Variants in MAP1B observed in about 807,000 individuals in gnomAD.
MAP1B encodes the protein microtubule associated protein 1B, also known as microtubule-associated protein 1B.
MAP1B carries 12 observed loss-of-function variants against 176.1 expected under a neutral mutation model. The ratio of observed to expected loss-of-function variants is 0.07; its 90% CI spans 0.04 to 0.11. MAP1B has a LOEUF of 0.11. Among genes scored for constraint, MAP1B ranks in the 10% least tolerant of loss-of-function variants. The probability of loss-of-function intolerance (pLI) is 1.00; values close to 1 mark genes in which losing one functional copy is unlikely to be tolerated. For synonymous variants in MAP1B, 1,044 were observed against 1,135.0 expected, an observed-to-expected ratio of 0.92 and a Z score of 1.61; for missense variants, 2,523 against 2,990.5, an observed-to-expected ratio of 0.84 and a Z score of 3.65.
chr5:72,177,667 G>C (rs1746677518), intron 2 of MAP1B, among the ~76,000 whole-genome samples: 1 of 152,186 alleles, frequency 6.6e-6, no homozygotes, highest in Non-Finnish European at 1.5e-5. Context: ...GCAGAAAGGA[G>C]GCCTGGAGCT....
At chr5:72,119,814 C>T (rs1035609250) in intron 2 of MAP1B, among the ~76,000 whole-genome samples, 2 of 152,146 alleles carry the variant, frequency 1.3e-5, no homozygotes, top group Admixed American at 6.5e-5. Flanking sequence ...GCCAGAACAA[C>T]AGTCTTATAT....
rs1014278394 is a variant in MAP1B at position 72,208,030 on chromosome 5, G to A, written c.*2791G>A. 7.2e-6 allele frequency: 1 copy of A among 139,610 alleles called. No individual in the cohort carries two copies. Among genetic ancestry groups the A allele is most frequent in the African/African-American group, 2.8e-5 (1 of 36,304 alleles). The allele number at this position is 139,610 out of a possible 1,614,324, so 8.6% of individuals were successfully genotyped here. A position where few individuals can be genotyped will look rare whatever the true frequency, so the allele number is the denominator to read the frequency against. Reference sequence around the variant, plus strand: ...AATATGTAAAAACTGTCACTAGTCAGCTGGCTCTTTTTCCTATGAAATCTA... The same window carrying A: ...AATATGTAAAAACTGTCACTAGTCAACTGGCTCTTTTTCCTATGAAATCTA... On this transcript the variant is annotated 3_prime_UTR_variant, in exon 7 of 7. Coordinates refer to ENST00000296755, the MANE Select transcript of MAP1B (RefSeq NM_005909.5).
At chr5:72,145,396 G>A (rs1404408915) in intron 2 of MAP1B, among the ~76,000 whole-genome samples, 4 of 151,678 alleles carry the variant, frequency 2.6e-5, no homozygotes, top group Admixed American at 6.6e-5. Context: ...AGAGGGAACC[G>A]TGTTTCCATT....
chr5:72,173,023 C>T (rs1478569314), intron 2 of MAP1B, among the ~76,000 whole-genome samples: 2 of 152,202 alleles, frequency 1.3e-5, no homozygotes, highest in African/African-American at 4.8e-5. Flanking sequence ...GTCTCCATCC[C>T]AGTTCCGCTA....
Position 72,115,692 on chromosome 5 carries a change from C to T in MAP1B, c.185-6C>T, listed in dbSNP as rs1225303239. The T allele has an allele frequency of 6.4e-7, 1 of 1,559,090 alleles. No homozygotes were observed. The highest frequency in any genetic ancestry group is 1.7e-5 in the Admixed American group (1 of 59,976). On this transcript the variant is annotated splice_polypyrimidine_tract_variant and splice_region_variant and intron_variant, in intron 1 of 6. Coordinates refer to ENST00000296755, the MANE Select transcript of MAP1B (RefSeq NM_005909.5). ...GTCTCTCAACTGTCTTTCTTTCCCT[C>T]CCTAGGAATCCGATCATGGGACACA...
At chr5:72,115,853 A>C in intron 2 of MAP1B, 54 bp downstream of exon 2, 2 of 1,265,866 alleles carry the variant, frequency 1.6e-6, no homozygotes, top group Non-Finnish European at 2.3e-6. Context: ...ACAAGGAGCA[A>C]GCTAGAAAGC....
Position 72,199,876 on chromosome 5 carries a change from C to T in MAP1B, c.6521C>T (p.Ala2174Val). 1 of 1,614,202 alleles carries T rather than the reference C, an allele frequency of 6.2e-7. No homozygotes were observed. ...ACTGAAGAGTGCCCCTCCATCACGG[C>T]CGATGCCAATATCGACTCTGAAGAC... Reference protein sequence around the residue: ...PETEECPSITADANIDSEDES... With the variant: ...PETEECPSITVDANIDSEDES... The change falls in exon 5 of 7, where the codon GCC (alanine) becomes GTC (valine). Residue 2174 changes from alanine (A) to valine (V), a missense_variant. Physicochemically the swap from Ala to Val is moderately conservative, Grantham distance 64 (BLOSUM62 0). This residue lies in a region of MAP1B where 287 missense variants were observed against 401.5 expected (regional missense o/e 0.71). Coordinates refer to ENST00000296755, the MANE Select transcript of MAP1B (RefSeq NM_005909.5). This position sits in a 1 kb window ranked among gnomAD's most constrained non-coding sequence, Gnocchi z 4.2.
intron 2 of MAP1B, among the ~76,000 whole-genome samples, chr5:72,172,143 T>G (rs1483204133): frequency 6.6e-6 from 1 of 152,214 alleles, no homozygotes; most frequent in African/African-American, 2.4e-5. Context: ...TGGTGGCAGC[T>G]GAGGCACCAC....
intron 2 of MAP1B, among the ~76,000 whole-genome samples, chr5:72,152,840 C>T (rs1011011083): frequency 8.5e-5 from 13 of 152,278 alleles, no homozygotes; most frequent in African/African-American, 3.1e-4. Context: ...TGCAGCTCAG[C>T]CTGTGGACAT....
intron 4 of MAP1B, among the ~76,000 whole-genome samples, chr5:72,193,661 G>C (rs903864839): frequency 6.6e-6 from 1 of 152,114 alleles, no homozygotes; most frequent in South Asian, 2.1e-4. Flanking sequence ...CAGTAGCAGC[G>C]GGGCTCAGGA....
In MAP1B at chr5:72,199,701, A is replaced by T. The variant is rs754425671; in HGVS notation, c.6346A>T (p.Thr2116Ser). 1.1e-5 allele frequency: 18 copies of T among 1,613,934 alleles called. No individual in the cohort carries two copies. Among genetic ancestry groups the T allele is most frequent in the Non-Finnish European group, 1.4e-5 (16 of 1,180,010 alleles). The change falls in exon 5 of 7, where the codon ACT becomes TCT. Residue 2116 changes from threonine (T) to serine (S), a missense_variant. Coordinates refer to ENST00000296755, the MANE Select transcript of MAP1B (RefSeq NM_005909.5). The surrounding 1 kb of genome is among the most constrained non-coding windows in gnomAD (Gnocchi z 4.2). ...PLEWFASEEP[T>S]EESEKPLTQS... is the part of the protein sequence containing the mutation. Reference sequence around the variant, plus strand: ...TGAGTGGTTTGCCAGTGAAGAACCCACTGAAGAATCTGAAAAGCCCCTCAC... The same window carrying T: ...TGAGTGGTTTGCCAGTGAAGAACCCTCTGAAGAATCTGAAAAGCCCCTCAC...
rs368060624 is a variant in MAP1B at position 72,199,937 on chromosome 5, G to C, written c.6582G>C (p.Thr2194=). The change falls in exon 5 of 7, where the codon ACG becomes ACC. Residue 2194 remains threonine, a synonymous_variant. Transcript: ENST00000296755. The surrounding 1 kb of genome is among the most constrained non-coding windows in gnomAD (Gnocchi z 4.2). ...CCATCCCCACAGACAAAACTGTCAC[G>C]TACAAACACATGGACCCACCTCCAG... ...SETIPTDKTV[T]YKHMDPPPAP... 1.2e-6 allele frequency: 2 copies of C among 1,613,984 alleles called. No individual in the cohort carries two copies. The highest frequency in any genetic ancestry group is 1.7e-6 in the Non-Finnish European group (2 of 1,180,044).
chr5:72,196,149 G>A lies in MAP1B; in HGVS notation c.2794G>A (p.Gly932Ser), dbSNP rs775006260. 2.3e-5 allele frequency: 37 copies of A among 1,613,136 alleles called. No homozygotes were observed. Among genetic ancestry groups the A allele is most frequent in the African/African-American group, 4.0e-5 (3 of 74,834 alleles). The stretch of plus-strand genomic sequence containing the variant: ...TGAAAAATTTGAAGATGAAGGAGCC[G>A]GTTTTGAAGAATCTTCAGAGACTGG... Reference protein sequence around the residue: ...DIEKFEDEGAGFEESSETGDY... With the variant: ...DIEKFEDEGASFEESSETGDY... Residue 932 changes from glycine to serine, a missense_variant, in exon 5 of 7, where the codon GGT (glycine) becomes AGT (serine). This residue lies in a region of MAP1B where 1,925 missense variants were observed against 2,126.0 expected (regional missense o/e 0.91). Transcript: ENST00000296755. This position sits in a 1 kb window ranked among gnomAD's most constrained non-coding sequence, Gnocchi z 5.3.
intron 2 of MAP1B, among the ~76,000 whole-genome samples, chr5:72,158,749 GTGGTGAGGCAGTT>G (rs1453688943): frequency 2.0e-5 from 3 of 152,212 alleles, no homozygotes; most frequent in Non-Finnish European, 2.9e-5. Context: ...AGACTCGTAT[GTGGTGAGGCAGTT>G]TGGGTATAAG....
rs774750980 is a variant in MAP1B, at chr5:72,198,279, C to A, written c.4924C>A (p.Gln1642Lys). ...ACCCGTTCAAGATCACAGATCTGAACAGTCCTCAATGTCTATTGAATTTGG... is the reference window on the plus strand; with the variant it reads ...ACCCGTTCAAGATCACAGATCTGAAAAGTCCTCAATGTCTATTGAATTTGG... ...RTPVQDHRSE[Q>K]SSMSIEFGQE... The change falls in exon 5 of 7, where the codon CAG becomes AAG. Residue 1642 changes from glutamine to lysine, a missense_variant. Physicochemically the swap from Gln to Lys is moderately conservative, Grantham distance 53 (BLOSUM62 1). Coordinates refer to ENST00000296755, the MANE Select transcript of MAP1B (RefSeq NM_005909.5). 12 of 1,614,110 alleles carry A rather than the reference C, an allele frequency of 7.4e-6. No individual in the cohort carries two copies. The highest frequency in any genetic ancestry group is 9.3e-6 in the Non-Finnish European group (11 of 1,180,038).
rs13171419 is a variant in MAP1B, at chr5:72,149,282, C to T, written c.286+33483C>T. Among the ~76,000 whole-genome samples the T allele has an allele frequency of 2.6e-5, 4 of 152,308 alleles. No individual in the cohort carries two copies. In the East Asian group the frequency reaches 7.7e-4, roughly 29 times the overall value. On this transcript the variant is annotated intron_variant, in intron 2 of 6. Coordinates refer to ENST00000296755, the MANE Select transcript of MAP1B (RefSeq NM_005909.5). ...GTAGACCACCTCTGAGGTCTTAAGC[C>T]TCATTGTTCCCTCAAACTAACTTGG...
At chr5:72,187,585 A>T (rs1480482927) in intron 4 of MAP1B, among the ~76,000 whole-genome samples, 4 of 152,144 alleles carry the variant, frequency 2.6e-5, no homozygotes, top group Admixed American at 2.6e-4. Flanking sequence ...GGACTGAGGG[A>T]TGTTCTGATA....
intron 1 of MAP1B, among the ~76,000 whole-genome samples, chr5:72,114,216 CT>C (rs924427658): frequency 2.8e-3 from 417 of 149,754 alleles, no homozygotes; most frequent in African/African-American, 9.1e-3. Context: ...TTTCCAGAAT[CT>C]TTTTTTTTTG....
At chr5:72,167,498 T>C (rs1746453546) in intron 2 of MAP1B, among the ~76,000 whole-genome samples, 1 of 152,214 alleles carries the variant, frequency 6.6e-6, no homozygotes, top group Admixed American at 6.5e-5. Context: ...CTGAGCCCAC[T>C]TAAAAGAATC....
Sources: gnomAD v4.1 joint callset for allele counts (sites outside exome capture counted in the v4.1 genomes callset) on GRCh38, gnomAD v4.1.1 for gene constraint, gnomAD v4.1.1 regional missense constraint, Gnocchi (gnomAD v3.1) non-coding constraint, MANE v1.5 for transcripts, NCBI Gene and HGNC (gene_info 2026-07-23, HGNC 2026-07-21) for gene names.